Variants in NCOA6 observed in about 807,000 individuals in gnomAD.
NCOA6 encodes NRC RAP250.
In NCOA6, 49 loss-of-function variants were observed where a neutral mutation model predicts 171.4. The observed-to-expected ratio is 0.29, with a 90% confidence interval of 0.23 to 0.36. The LOEUF is 0.36. Ranked by LOEUF, NCOA6 falls within the 10% of genes least tolerant of loss-of-function variation. The pLI is 1.00. For missense variants in NCOA6, 2,248 were observed against 2,554.5 expected (o/e 0.88, Z 2.59); for synonymous variants, 910 against 927.5 (o/e 0.98, Z 0.34).
chr20:34,744,350 A>G (rs777171339), intron 10 of NCOA6, among the ~76,000 whole-genome samples: 3 of 152,220 alleles, frequency 2.0e-5, no homozygotes, highest in Non-Finnish European at 4.4e-5. Flanking sequence ...AGAAAAGATA[A>G]AAAGATACGC....
At chr20:34,715,535 T>C (rs998388859) in intron 14 of NCOA6, among the ~76,000 whole-genome samples, 170 bp from the exon 15 acceptor site, 14 of 152,136 alleles carry the variant, frequency 9.2e-5, no homozygotes, top group African/African-American at 3.4e-4. Context: ...ATGACTTACG[T>C]GGGAAGAGGG....
intron 1 of NCOA6, among the ~76,000 whole-genome samples, chr20:34,817,885 G>C (rs536204465): frequency 6.6e-6 from 1 of 152,214 alleles, no homozygotes; most frequent in Admixed American, 6.5e-5. Context: ...CACATCACTG[G>C]CGAAAAACAT....
Position 34,740,969 on chromosome 20 carries a change from C to T in NCOA6, c.5287G>A (p.Val1763Met), listed in dbSNP as rs1040658058. 1.9e-6 allele frequency: 3 copies of T among 1,614,206 alleles called. No individual in the cohort carries two copies. The highest frequency in any genetic ancestry group is 2.2e-5 in the South Asian group (2 of 91,084). The part of the protein sequence containing the change: ...VVPSHPPVQQ[V>M]KELNPDEASP... ...GCCTCATCTGGATTCAATTCTTTCA[C>T]TTGCTGCACAGGGGGATGAGAAGGG... is the stretch of plus-strand genomic sequence containing the variant. Residue 1763 changes from valine to methionine, a missense_variant, in exon 11 of 15, where the codon GTG becomes ATG. Physicochemically the swap from Val to Met is conservative, Grantham distance 21. Coordinates refer to ENST00000359003, the MANE Select transcript of NCOA6 (RefSeq NM_014071.5).
chr20:34,722,031 G>A (rs1287703206), intron 14 of NCOA6, among the ~76,000 whole-genome samples: 1 of 132,750 alleles, frequency 7.5e-6, no homozygotes, highest in Admixed American at 9.0e-5. Flanking sequence ...CTCTAGCCTG[G>A]GTGACACAGT....
chr20:34,724,981 G>C (rs550624990), intron 14 of NCOA6, among the ~76,000 whole-genome samples: 1 of 151,956 alleles, frequency 6.6e-6, no homozygotes, highest in African/African-American at 2.4e-5. Flanking sequence ...TAGAGAGGGG[G>C]TTTCACCATG....
At chr20:34,762,245 T>C (rs964429889) in intron 5 of NCOA6, among the ~76,000 whole-genome samples, 6 of 152,216 alleles carry the variant, frequency 3.9e-5, no homozygotes, top group African/African-American at 1.4e-4. Context: ...CTGGTAAAAA[T>C]ATTATTATGC....
intron 4 of NCOA6, among the ~76,000 whole-genome samples, chr20:34,772,449 A>G (rs1312740214): frequency 6.6e-6 from 1 of 152,210 alleles, no homozygotes; most frequent in Non-Finnish European, 1.5e-5. Flanking sequence ...GTCATCTTAT[A>G]ACCTTATAAA....
At position 34,746,930 on chromosome 20, in the gene NCOA6, TAA is replaced by T. The variant is rs11484299; in HGVS notation, c.2793-4_2793-3del. ...CCAGCTGGGCGAGTATCTGGGGTGC[TAA>T]AAAAAAAAAAAAAAAAAAAAGTGAC... is the stretch of plus-strand genomic sequence containing the variant. On this transcript the variant is annotated splice_polypyrimidine_tract_variant and splice_region_variant and intron_variant, in intron 9 of 14. Coordinates refer to ENST00000359003, the MANE Select transcript of NCOA6 (RefSeq NM_014071.5). 0.061 allele frequency: 63,267 copies of T among 1,030,792 alleles called. No homozygotes were observed. Among genetic ancestry groups the T allele is most frequent in the East Asian group, 0.094 (2,519 of 26,916 alleles). The allele number at this position is 1,030,792 out of a possible 1,614,324, so 63.9% of individuals were successfully genotyped here.
At chr20:34,794,618 G>A (rs1424971899) in intron 1 of NCOA6, among the ~76,000 whole-genome samples, 2 of 152,212 alleles carry the variant, frequency 1.3e-5, no homozygotes, top group African/African-American at 4.8e-5. Context: ...AGTACCTTGT[G>A]CTACTTTTTT....
intron 10 of NCOA6, among the ~76,000 whole-genome samples, chr20:34,745,682 AACAAAACATACCCTCTGTAC>A (rs1207730533): frequency 1.3e-5 from 2 of 152,208 alleles, no homozygotes; most frequent in African/African-American, 2.4e-5. Context: ...GTGAGGAAGA[AACAAAACATACCCTCTGTAC>A]ACACAGGGGA....
chr20:34,814,112 C>T lies in NCOA6; in HGVS notation c.-164+11360G>A, dbSNP rs7265256. On this transcript the variant is annotated intron_variant, in intron 1 of 14. Transcript: ENST00000359003. ...TTGGGAGGCTGAGGCGGGCAGATCA[C>T]GAGGTCAGGAGTTCGAGACCAGCCT... is the stretch of plus-strand genomic sequence containing the variant. Among the ~76,000 whole-genome samples the T allele has an allele frequency of 9.3e-3, 1,415 of 152,202 alleles. 29 individuals carry two copies. The highest frequency in any genetic ancestry group is 0.032 in the African/African-American group (1,335 of 41,530).
At chr20:34,772,934 T>TA (rs1400895426) in intron 4 of NCOA6, among the ~76,000 whole-genome samples, 1 of 152,198 alleles carries the variant, frequency 6.6e-6, no homozygotes, top group Non-Finnish European at 1.5e-5. Context: ...CACATATTAA[T>TA]AAACAGAATT....
intron 1 of NCOA6, among the ~76,000 whole-genome samples, chr20:34,807,841 G>GT (rs1044257382): frequency 7.0e-6 from 1 of 143,026 alleles, no homozygotes; most frequent in East Asian, 2.4e-4. Context: ...TTTAGTTTTT[G>GT]TTTTTTTGTA....
Position 34,750,292 on chromosome 20 carries a change from T to TCTC in NCOA6, c.1902_1903insGAG (p.Gln634_Met635insGlu), listed in dbSNP as rs751384394. 6.2e-7 allele frequency: 1 copy of TCTC among 1,612,864 alleles called. No homozygotes were observed. The highest frequency in any genetic ancestry group is 8.5e-7 in the Non-Finnish European group (1 of 1,179,320). ...TTCAAGGTTCCTTGTTGCTGGACCA[T>TCTC]CTGGCCCTGGGAGGGCACGATTTGC... On this transcript the variant is annotated inframe_insertion, in exon 9 of 15. Transcript: ENST00000359003.
At position 34,757,727 on chromosome 20, in the gene NCOA6, T is replaced by C. The variant is rs779464895; in HGVS notation, c.1021A>G (p.Asn341Asp). The change falls in exon 7 of 15, where the codon AAC becomes GAC. Residue 341 changes from asparagine to aspartate, a missense_variant. Asn to Asp is a conservative substitution (Grantham distance 23, BLOSUM62 1). This residue lies in a region of NCOA6 where 987 missense variants were observed against 1,104.7 expected (regional missense o/e 0.89). Coordinates refer to ENST00000359003, the MANE Select transcript of NCOA6 (RefSeq NM_014071.5). ...AQGSLGTMTA[N>D]QGWKKAPLPG... ...AAGGGAGCCTTCTTCCACCCTTGGT[T>C]TGCAGTCATTGTGCCCAGAGAACCC... 1.2e-6 allele frequency: 2 copies of C among 1,614,150 alleles called. No individual in the cohort carries two copies. Among genetic ancestry groups the C allele is most frequent in the Non-Finnish European group, 1.7e-6 (2 of 1,180,012 alleles).
At chr20:34,762,968 T>C (rs1271738765) in intron 5 of NCOA6, among the ~76,000 whole-genome samples, 1 of 152,224 alleles carries the variant, frequency 6.6e-6, no homozygotes, top group Non-Finnish European at 1.5e-5. Context: ...AATGCTGCTG[T>C]TGAGAAATCA....
chr20:34,762,433 G>A (rs1166245251), intron 5 of NCOA6, among the ~76,000 whole-genome samples: 1 of 151,792 alleles, frequency 6.6e-6, no homozygotes, highest in Non-Finnish European at 1.5e-5. Flanking sequence ...TTGTTTACTA[G>A]TATATTTTGA....
intron 5 of NCOA6, among the ~76,000 whole-genome samples, chr20:34,765,735 C>A (rs567330394): frequency 3.9e-5 from 6 of 152,144 alleles, no homozygotes; most frequent in Non-Finnish European, 8.8e-5. Context: ...CCACAACACA[C>A]AGGACAGCCT....
chr20:34,796,121 C>T (rs964250349), intron 1 of NCOA6, among the ~76,000 whole-genome samples: 14 of 151,140 alleles, frequency 9.3e-5, no homozygotes, highest in African/African-American at 3.4e-4. Flanking sequence ...AGTAACCTCC[C>T]ACCTCAGCCC....
Sources: gnomAD v4.1 joint callset for allele counts (sites outside exome capture counted in the v4.1 genomes callset) on GRCh38, gnomAD v4.1.1 for gene constraint, gnomAD v4.1.1 regional missense constraint, MANE v1.5 for transcripts, NCBI Gene and HGNC (gene_info 2026-07-23, HGNC 2026-07-21) for gene names.